The following GRM8 variants were observed in gnomAD, a reference collection of about 807,000 sequenced individuals.
GRM8 encodes the protein glutamate metabotropic receptor 8, also known as metabotropic glutamate receptor 8.
GRM8 carries 47 observed loss-of-function variants against 87.2 expected under a neutral mutation model. The observed-to-expected ratio is 0.54, with a 90% confidence interval of 0.43 to 0.69. The LOEUF is 0.69. Among genes scored for constraint, GRM8 ranks in the 30% least tolerant of loss-of-function variants. The pLI is 0.00. For synonymous variants in GRM8, 396 were observed against 404.5 expected (o/e 0.98, Z 0.25); for missense variants, 1,019 against 1,139.2 (o/e 0.89, Z 1.52).
At chr7:126,859,929 T>A (rs983666280) in intron 6 of GRM8, among the ~76,000 whole-genome samples, 14 of 152,182 alleles carry the variant, frequency 9.2e-5, no homozygotes, top group African/African-American at 3.4e-4. Context: ...CTAACATGTG[T>A]TAGACACGAA....
chr7:126,671,077 G>T (rs546087159), intron 7 of GRM8, among the ~76,000 whole-genome samples: 1 of 152,318 alleles, frequency 6.6e-6, no homozygotes, highest in Non-Finnish European at 1.5e-5. Flanking sequence ...TTCCCTTTAA[G>T]GAGTCAATCT....
At chr7:127,097,970 T>C (rs554752748) in intron 3 of GRM8, among the ~76,000 whole-genome samples, 14 of 152,334 alleles carry the variant, frequency 9.2e-5, no homozygotes, top group Admixed American at 5.2e-4. Flanking sequence ...ATATTAGGAA[T>C]GGCTGGGGTG....
At chr7:126,558,070 C>A (rs1239760466) in intron 8 of GRM8, among the ~76,000 whole-genome samples, 1 of 152,090 alleles carries the variant, frequency 6.6e-6, no homozygotes, top group East Asian at 1.9e-4. Flanking sequence ...TACATTTCAA[C>A]AAATTTATAA....
At chr7:127,010,621 C>T (rs1814787544) in intron 3 of GRM8, among the ~76,000 whole-genome samples, 1 of 152,050 alleles carries the variant, frequency 6.6e-6, no homozygotes, top group African/African-American at 2.4e-5. Context: ...AAAGTGGGAC[C>T]ATTAAAACCT....
chr7:126,819,629 G>A (rs951727548), intron 6 of GRM8, among the ~76,000 whole-genome samples: 7 of 151,882 alleles, frequency 4.6e-5, no homozygotes, highest in South Asian at 2.1e-4. Flanking sequence ...ATGCCATTTC[G>A]ACTTCATTTA....
chr7:126,440,646 T>C, intron 10 of GRM8, among the ~76,000 whole-genome samples: 1 of 152,118 alleles, frequency 6.6e-6, no homozygotes, highest in East Asian at 1.9e-4. Flanking sequence ...TACAACTGTG[T>C]ACACAATTCA....
At chr7:126,911,515 G>A (rs1803292330) in intron 3 of GRM8, among the ~76,000 whole-genome samples, 1 of 152,202 alleles carries the variant, frequency 6.6e-6, no homozygotes, top group African/African-American at 2.4e-5. Flanking sequence ...ACAACCACAT[G>A]TTCTGTTTCA....
At chr7:126,915,705 AGG>A (rs200182445) in intron 3 of GRM8, among the ~76,000 whole-genome samples, 2,930 of 152,302 alleles carry the variant, frequency 0.019, 35 homozygotes, top group Middle Eastern at 0.037. Context: ...AGAACCAGGA[AGG>A]GGAAAGGGGA....
At chr7:126,796,384 C>A (rs1821952248) in intron 6 of GRM8, among the ~76,000 whole-genome samples, 1 of 151,988 alleles carries the variant, frequency 6.6e-6, no homozygotes, top group Non-Finnish European at 1.5e-5. Flanking sequence ...GCATATAGCT[C>A]TAGATTTTGA....
intron 2 of GRM8, among the ~76,000 whole-genome samples, chr7:127,130,305 G>A (rs1304700341): frequency 1.3e-5 from 2 of 152,034 alleles, no homozygotes; most frequent in African/African-American, 4.8e-5. Flanking sequence ...ACCTGAAAAT[G>A]TGGAAGTGAC....
chr7:126,459,998 CT>C (rs1803708519), intron 9 of GRM8, among the ~76,000 whole-genome samples: 1 of 151,476 alleles, frequency 6.6e-6, no homozygotes, highest in Non-Finnish European at 1.5e-5. Context: ...CAGCCCTAGA[CT>C]TACTACATCT....
chr7:126,864,055 G>C (rs1586238269), intron 6 of GRM8, among the ~76,000 whole-genome samples: 1 of 44,184 alleles, frequency 2.3e-5, no homozygotes, highest in African/African-American at 9.6e-5. Flanking sequence ...TTTTTTTGTA[G>C]AGACAAAGTC....
chr7:127,232,210 T>TGTGTGTGTGTGTGTGTGTGTGA (rs1797730912), intron 2 of GRM8, among the ~76,000 whole-genome samples: 3 of 146,012 alleles, frequency 2.1e-5, no homozygotes, highest in Non-Finnish European at 4.5e-5. Context: ...TGTGTGTGTG[T>TGTGTGTGTGTGTGTGTGTGTGA]GTGAGAGAGA....
Position 126,446,418 on chromosome 7 carries a change from T to C in GRM8, c.2431-46A>G, listed in dbSNP as rs1312130751. 5.4e-6 allele frequency: 7 copies of C among 1,307,618 alleles called. No homozygotes were observed. The East Asian group carries it at 1.4e-4, about 26-fold the overall frequency. The allele number at this position is 1,307,618 out of a possible 1,614,324, so 81.0% of individuals were successfully genotyped here. Reference sequence around the variant, plus strand: ...GAATCACTGTTGGTAAGCCTAACAGTAGGAGATAAAGCAAATAACATACTA... The same window carrying C: ...GAATCACTGTTGGTAAGCCTAACAGCAGGAGATAAAGCAAATAACATACTA... On this transcript the variant is annotated intron_variant, in intron 9 of 10. Coordinates refer to ENST00000339582, the MANE Select transcript of GRM8 (RefSeq NM_000845.3).
chr7:127,186,399 T>A (rs373604672), intron 2 of GRM8, among the ~76,000 whole-genome samples: 25 of 152,238 alleles, frequency 1.6e-4, no homozygotes, highest in East Asian at 7.7e-4. Flanking sequence ...CATTAAGGGA[T>A]CCCTTCACTC....
intron 7 of GRM8, among the ~76,000 whole-genome samples, chr7:126,642,699 G>C (rs1802537759): frequency 6.6e-6 from 1 of 151,990 alleles, no homozygotes; most frequent in Non-Finnish European, 1.5e-5. Flanking sequence ...TTCAAGCAAA[G>C]GGTTGTTACA....
At chr7:126,602,116 G>A (rs1001367928) in intron 8 of GRM8, among the ~76,000 whole-genome samples, 259 of 141,886 alleles carry the variant, frequency 1.8e-3, no homozygotes, top group African/African-American at 5.8e-3. Context: ...TGTATAAGGT[G>A]TAAGGAAGGG....
intron 3 of GRM8, among the ~76,000 whole-genome samples, chr7:127,086,776 T>C (rs1027893161): frequency 1.3e-5 from 2 of 152,226 alleles, no homozygotes; most frequent in African/African-American, 4.8e-5. Flanking sequence ...TTATGGAATG[T>C]GACCAAGGGA....
At chr7:127,028,487 A>G (rs887753052) in intron 3 of GRM8, among the ~76,000 whole-genome samples, 2 of 152,288 alleles carry the variant, frequency 1.3e-5, no homozygotes, top group South Asian at 2.1e-4. Flanking sequence ...TTGGTAGGCT[A>G]TTAATGATTG....
Sources: allele counts gnomAD v4.1 joint callset (sites outside exome capture counted in the v4.1 genomes callset), GRCh38; gene constraint gnomAD v4.1.1; transcripts MANE v1.5; gene names NCBI Gene and HGNC (gene_info 2026-07-23, HGNC 2026-07-21).